AGAP1: variants seen among roughly 807,000 people sequenced by gnomAD.
AGAP1 encodes ArfGAP with GTPase domain, ankyrin repeat and PH domain 1, also known as arf-GAP with GTPase, ANK repeat and PH domain-containing protein 1.
Under a neutral mutation model 105.3 loss-of-function variants are expected in AGAP1, and 29 were observed. The ratio of observed to expected loss-of-function variants is 0.28; its 90% CI spans 0.21 to 0.38. AGAP1 has a LOEUF of 0.38. Among genes scored for constraint, AGAP1 ranks in the 10% least tolerant of loss-of-function variants. The pLI is 1.00. For synonymous variants in AGAP1, 509 were observed against 485.9 expected, an observed-to-expected ratio of 1.05 and a Z score of -0.63; for missense variants, 998 against 1,165.1, an observed-to-expected ratio of 0.86 and a Z score of 2.09.
At position 236,055,043 on chromosome 2, in the gene AGAP1, T is replaced by C. The variant is rs367573121; in HGVS notation, c.2114+5762T>C. ...GTAATTAATGGCCTGATTATCTTAA[T>C]GTTAAATATGTCCGGCAGCAATTAC... is the stretch of plus-strand genomic sequence containing the variant. On this transcript the variant is annotated intron_variant, in intron 16 of 17. Coordinates refer to ENST00000304032, the MANE Select transcript of AGAP1 (RefSeq NM_001037131.3). The surrounding 1 kb of genome is among the most constrained non-coding windows in gnomAD (Gnocchi z 6.2). 6.6e-6 allele frequency among the ~76,000 whole-genome samples: 1 copy of C among 152,248 alleles called. No individual in the cohort carries two copies. The highest frequency in any genetic ancestry group is 2.4e-5 in the African/African-American group (1 of 41,468).
intron 1 of AGAP1, among the ~76,000 whole-genome samples, chr2:235,652,598 T>A (rs1947632248): frequency 6.6e-6 from 1 of 151,970 alleles, no homozygotes; most frequent in Non-Finnish European, 1.5e-5. Flanking sequence ...AACAGAAACA[T>A]AAGTGATCCT....
intron 3 of AGAP1, among the ~76,000 whole-genome samples, chr2:235,731,728 A>G (rs1329458077): frequency 2.0e-5 from 3 of 152,210 alleles, no homozygotes; most frequent in African/African-American, 7.2e-5. Context: ...CTGACAGCCG[A>G]CATGGATTAG....
chr2:235,499,368 C>T (rs140413454), intron 1 of AGAP1, among the ~76,000 whole-genome samples: 8 of 152,266 alleles, frequency 5.3e-5, no homozygotes, highest in East Asian at 1.9e-4. Context: ...GTATTTAGTC[C>T]GGTTGATGCA....
At chr2:235,572,693 C>A (rs2149166148) in intron 1 of AGAP1, among the ~76,000 whole-genome samples, 1 of 152,326 alleles carries the variant, frequency 6.6e-6, no homozygotes, top group East Asian at 1.9e-4. Flanking sequence ...CTAGAAGTCA[C>A]CCCTCCATTT....
chr2:235,576,268 A>T (rs1178337191), intron 1 of AGAP1, among the ~76,000 whole-genome samples: 1 of 152,190 alleles, frequency 6.6e-6, no homozygotes, highest in East Asian at 1.9e-4. Flanking sequence ...TTTGTCAGTC[A>T]CCATATTCGT....
chr2:235,613,193 G>A (rs768399589), intron 1 of AGAP1, among the ~76,000 whole-genome samples: 13 of 151,878 alleles, frequency 8.6e-5, no homozygotes, highest in Admixed American at 2.0e-4. Flanking sequence ...ACTGGATTTC[G>A]CCATTTTGGC....
intron 1 of AGAP1, among the ~76,000 whole-genome samples, chr2:235,591,654 C>T (rs1013998901): frequency 2.6e-5 from 4 of 152,132 alleles, no homozygotes; most frequent in South Asian, 2.1e-4. Context: ...GTGTTGGAAG[C>T]GAGGCCTAGT....
chr2:235,746,764 A>G (rs57341615), intron 5 of AGAP1, among the ~76,000 whole-genome samples: 2,085 of 151,890 alleles, frequency 0.014, 47 homozygotes, highest in African/African-American at 0.048. Context: ...TGCAGACACC[A>G]CTCACAGGCT....
rs757923393 is a variant in AGAP1 at position 235,879,324 on chromosome 2, C to A, written c.1051-4021C>A. ...TAGACCACAGCCATGACATGGCAAG[C>A]GGGGCAGCCAAGTGGCTCTTGGTCG... On this transcript the variant is annotated intron_variant, in intron 9 of 17. Coordinates refer to ENST00000304032, the MANE Select transcript of AGAP1 (RefSeq NM_001037131.3). The surrounding 1 kb of genome is among the most constrained non-coding windows in gnomAD (Gnocchi z 5.0). Among the ~76,000 whole-genome samples, 1 of 152,160 alleles carries A rather than the reference C, an allele frequency of 6.6e-6. No individual in the cohort carries two copies. The highest frequency in any genetic ancestry group is 1.5e-5 in the Non-Finnish European group (1 of 68,022).
At chr2:235,668,215 T>C (rs558918486) in intron 1 of AGAP1, among the ~76,000 whole-genome samples, 6 of 152,290 alleles carry the variant, frequency 3.9e-5, no homozygotes, top group Admixed American at 3.3e-4. Flanking sequence ...CACCTAGCAG[T>C]CACTCTGACT....
chr2:235,774,113 C>T, intron 6 of AGAP1: 1 of 400,488 alleles, frequency 2.5e-6, no homozygotes. Flanking sequence ...ATATCCAGAT[C>T]TAGGAGAAAA....
intron 11 of AGAP1, among the ~76,000 whole-genome samples, chr2:235,922,079 G>A (rs1014720165): frequency 6.6e-6 from 1 of 152,194 alleles, no homozygotes; most frequent in South Asian, 2.1e-4. Flanking sequence ...CAGGGAACCC[G>A]GTTTTCCCAC....
rs1943818027 is a variant in AGAP1 at position 235,551,788 on chromosome 2, T to C, written c.163+56939T>C. ...TGAATGTTACCTTTGCTCTTCACCT[T>C]GACTGGTAGATCCTGAAGGCGTAGA... On this transcript the variant is annotated intron_variant, in intron 1 of 17. Coordinates refer to ENST00000304032, the MANE Select transcript of AGAP1 (RefSeq NM_001037131.3). This position sits in a 1 kb window ranked among gnomAD's most constrained non-coding sequence, Gnocchi z 4.8. Among the ~76,000 whole-genome samples the C allele has an allele frequency of 6.6e-6, 1 of 152,208 alleles. No individual in the cohort carries two copies. Among genetic ancestry groups the C allele is most frequent in the Non-Finnish European group, 1.5e-5 (1 of 68,040 alleles).
rs2054206618 is a variant in AGAP1, at chr2:235,961,960, G to GC, written c.1484-6498dup. Among the ~76,000 whole-genome samples the GC allele has an allele frequency of 6.6e-6, 1 of 152,266 alleles. No homozygotes were observed. The highest frequency in any genetic ancestry group is 1.9e-4 in the East Asian group (1 of 5,184). Reference sequence around the variant, plus strand: ...TGAGCATCCATTTCCCAGGGGAGGGGCCCCGCGCCCATGGAGACTGCTGGG... The same window carrying GC: ...TGAGCATCCATTTCCCAGGGGAGGGGCCCCCGCGCCCATGGAGACTGCTGGG... On this transcript the variant is annotated intron_variant, in intron 12 of 17. Transcript: ENST00000304032. This position sits in a 1 kb window ranked among gnomAD's most constrained non-coding sequence, Gnocchi z 5.9.
In AGAP1 at chr2:235,727,321, C is replaced by T. The variant is rs7572159; in HGVS notation, c.310+9677C>T. Among the ~76,000 whole-genome samples, 934 of 151,636 alleles carry T rather than the reference C, an allele frequency of 6.2e-3. 8 individuals carry two copies. Among genetic ancestry groups the T allele is most frequent in the African/African-American group, 0.02 (847 of 41,340 alleles). ...GTCTTCAGGGTTTGTCCGTTTTAAA[C>T]ATTTTAGCCAGGGTGGGGCTGGGGG... On this transcript the variant is annotated intron_variant, in intron 3 of 17. Coordinates refer to ENST00000304032, the MANE Select transcript of AGAP1 (RefSeq NM_001037131.3).
intron 1 of AGAP1, among the ~76,000 whole-genome samples, chr2:235,699,249 G>A (rs1028889755): frequency 2.0e-5 from 3 of 152,156 alleles, no homozygotes; most frequent in African/African-American, 7.2e-5. Flanking sequence ...GGGGGATGGG[G>A]GTCTAGGGCT....
Position 235,882,256 on chromosome 2 carries a change from A to G in AGAP1, c.1051-1089A>G, listed in dbSNP as rs1362550662. The G allele has an allele frequency of 3.8e-6, 2 of 520,060 alleles. No individual in the cohort carries two copies. Among genetic ancestry groups the G allele is most frequent in the South Asian group, 2.0e-5 (1 of 49,254 alleles). The allele number at this position is 520,060 out of a possible 1,614,324, so 32.2% of individuals were successfully genotyped here. ...CCAGTGGCATCGGTGCAGAGTGCCC[A>G]GGTTCACAATGCAGCTTGTGGCTCG... On this transcript the variant is annotated intron_variant, in intron 9 of 17. Coordinates refer to ENST00000304032, the MANE Select transcript of AGAP1 (RefSeq NM_001037131.3). This position sits in a 1 kb window ranked among gnomAD's most constrained non-coding sequence, Gnocchi z 4.6.
rs1241747370 is a variant in AGAP1, at chr2:235,659,373, GAGT to G, written c.164-49803_164-49801del. Among the ~76,000 whole-genome samples the G allele has an allele frequency of 6.6e-6, 1 of 152,244 alleles. No individual in the cohort carries two copies. Among genetic ancestry groups the G allele is most frequent in the Non-Finnish European group, 1.5e-5 (1 of 68,040 alleles). On this transcript the variant is annotated intron_variant, in intron 1 of 17. Coordinates refer to ENST00000304032, the MANE Select transcript of AGAP1 (RefSeq NM_001037131.3). The surrounding 1 kb of genome is among the most constrained non-coding windows in gnomAD (Gnocchi z 5.0). ...AAGTGCCACAGTGTTGTATCTGAGT[GAGT>G]AGCGTCCTCCTTAAGCATTGGCTTT...
At chr2:235,916,067 A>C (rs1366824361) in intron 11 of AGAP1, among the ~76,000 whole-genome samples, 1 of 152,234 alleles carries the variant, frequency 6.6e-6, no homozygotes, top group East Asian at 1.9e-4. Context: ...ACTACTAATC[A>C]AATGAAGATA....
Sources: gnomAD v4.1 joint callset for allele counts (sites outside exome capture counted in the v4.1 genomes callset) on GRCh38, gnomAD v4.1.1 for gene constraint, Gnocchi (gnomAD v3.1) non-coding constraint, MANE v1.5 for transcripts, NCBI Gene and HGNC (gene_info 2026-07-23, HGNC 2026-07-21) for gene names.